LRRC28: variants seen among roughly 807,000 people sequenced by gnomAD.
The protein encoded by LRRC28 is leucine-rich repeat-containing protein 28.
LRRC28 carries 39 observed loss-of-function variants against 45.7 expected under a neutral mutation model. The ratio of observed to expected loss-of-function variants is 0.85; its 90% CI spans 0.66 to 1.12. LRRC28 has a LOEUF of 1.12. LRRC28 is among the 50% of genes most tolerant of loss of function. The pLI is 0.00. For synonymous variants in LRRC28, 206 were observed against 178.8 expected (o/e 1.15, Z -1.22); for missense variants, 435 against 438.5 (o/e 0.99, Z 0.07).
At chr15:99,320,446 A>C (rs1597338302) in intron 5 of LRRC28, among the ~76,000 whole-genome samples, 1 of 152,308 alleles carries the variant, frequency 6.6e-6, no homozygotes, top group East Asian at 1.9e-4. Flanking sequence ...ACATGAGTTC[A>C]TGTTTAAATT....
In LRRC28 at chr15:99,312,868, A is replaced by G. The variant is rs551791143; in HGVS notation, c.386-21055A>G. On this transcript the variant is annotated intron_variant, in intron 5 of 9. Transcript: ENST00000301981. ...TATGAGATAAAAAATAGAATGGAAA[A>G]ACAGAGACACAAAAAGACATGAGGC... 1.1e-4 allele frequency among the ~76,000 whole-genome samples: 16 copies of G among 152,328 alleles called. No individual in the cohort carries two copies. The South Asian group carries it at 2.5e-3, about 24-fold the overall frequency.
chr15:99,373,752 T>C (rs746195348), intron 9 of LRRC28, among the ~76,000 whole-genome samples: 13 of 152,210 alleles, frequency 8.5e-5, no homozygotes, highest in Admixed American at 6.5e-4. Context: ...AATTCAAAAG[T>C]GATGCTTGCC....
intron 5 of LRRC28, among the ~76,000 whole-genome samples, chr15:99,295,387 T>G (rs2082236483): frequency 6.6e-6 from 1 of 152,248 alleles, no homozygotes; most frequent in Admixed American, 6.5e-5. Flanking sequence ...AATTATGTAA[T>G]CTATTATGAA....
Position 99,290,735 on chromosome 15 carries a change from C to T in LRRC28, c.385+2784C>T, listed in dbSNP as rs114759062. Among the ~76,000 whole-genome samples, 1,391 of 152,036 alleles carry T rather than the reference C, an allele frequency of 9.1e-3. 21 individuals carry two copies. Among genetic ancestry groups the T allele is most frequent in the African/African-American group, 0.031 (1,296 of 41,460 alleles). ...GAAGCTGAGGCGAGAGGATCAGGAT[C>T]GCTTGAAGCCAGGAGTTCGAGACCA... On this transcript the variant is annotated intron_variant, in intron 5 of 9. Transcript: ENST00000301981.
At chr15:99,369,338 G>A (rs1294178004) in intron 9 of LRRC28, among the ~76,000 whole-genome samples, 1 of 152,064 alleles carries the variant, frequency 6.6e-6, no homozygotes, top group Non-Finnish European at 1.5e-5. Context: ...ATTTGTCACA[G>A]CAGCATCCCA....
At chr15:99,341,194 G>C (rs1406480629) in intron 6 of LRRC28, among the ~76,000 whole-genome samples, 4 of 148,026 alleles carry the variant, frequency 2.7e-5, no homozygotes, top group African/African-American at 9.9e-5. Context: ...GGGTTCAAGT[G>C]ATTCTCCTGC....
intron 7 of LRRC28, among the ~76,000 whole-genome samples, chr15:99,354,694 G>A (rs1286070025): frequency 6.6e-6 from 1 of 152,222 alleles, no homozygotes; most frequent in African/African-American, 2.4e-5. Flanking sequence ...GATCTAGCCA[G>A]GGAGTCAAGC....
chr15:99,259,713 G>A (rs2081137775), intron 2 of LRRC28: 19 of 1,424,474 alleles, frequency 1.3e-5, no homozygotes, highest in Non-Finnish European at 1.8e-5. Flanking sequence ...ATGCTTCGAC[G>A]AATTAAGGAA....
chr15:99,256,571 A>G (rs1567597900), intron 2 of LRRC28, among the ~76,000 whole-genome samples: 2 of 152,248 alleles, frequency 1.3e-5, no homozygotes, highest in African/African-American at 2.4e-5. Context: ...TTAAAGCATT[A>G]AGAGATGCAC....
chr15:99,373,422 A>G (rs914234636), intron 9 of LRRC28, among the ~76,000 whole-genome samples: 1 of 152,134 alleles, frequency 6.6e-6, no homozygotes, highest in Non-Finnish European at 1.5e-5. Context: ...CATAGTAGAT[A>G]TATATATTTA....
At chr15:99,286,450 G>A (rs1306468587) in intron 3 of LRRC28, among the ~76,000 whole-genome samples, 21 of 152,284 alleles carry the variant, frequency 1.4e-4, no homozygotes, top group Admixed American at 1.1e-3. Context: ...TATTTTTAAA[G>A]TACAATAAAT....
At chr15:99,302,756 T>G (rs1955030832) in intron 5 of LRRC28, among the ~76,000 whole-genome samples, 1 of 152,212 alleles carries the variant, frequency 6.6e-6, no homozygotes, top group Non-Finnish European at 1.5e-5. Context: ...ACCACTGATC[T>G]TGCTTTTTGT....
intron 1 of LRRC28, among the ~76,000 whole-genome samples, chr15:99,252,633 G>T (rs1215687544): frequency 6.6e-6 from 1 of 152,210 alleles, no homozygotes; most frequent in Non-Finnish European, 1.5e-5. Context: ...TGCAGTGCAT[G>T]GTTGTAAAGA....
At chr15:99,362,040 G>A (rs145028895) in intron 8 of LRRC28, among the ~76,000 whole-genome samples, 1,591 of 152,316 alleles carry the variant, frequency 0.01, 32 homozygotes, top group Admixed American at 0.046. Flanking sequence ...CTGTCGCAGC[G>A]TGCCAGCTAA....
intron 9 of LRRC28, among the ~76,000 whole-genome samples, chr15:99,363,688 G>A (rs981406617): frequency 6.6e-6 from 1 of 152,056 alleles, no homozygotes; most frequent in Non-Finnish European, 1.5e-5. Context: ...GTGTGCATGC[G>A]CACACACACA....
At chr15:99,290,780 G>A (rs2082101332) in intron 5 of LRRC28, among the ~76,000 whole-genome samples, 1 of 151,926 alleles carries the variant, frequency 6.6e-6, no homozygotes, top group Non-Finnish European at 1.5e-5. Context: ...ACATAGTGAG[G>A]CTTTGTCTCT....
intron 5 of LRRC28, among the ~76,000 whole-genome samples, chr15:99,324,672 A>G (rs1481417282): frequency 6.6e-6 from 1 of 152,238 alleles, no homozygotes; most frequent in African/African-American, 2.4e-5. Flanking sequence ...TGGCAATAAT[A>G]AAATCATTTT....
intron 5 of LRRC28, among the ~76,000 whole-genome samples, chr15:99,319,169 TA>T (rs1396692354): frequency 1.3e-5 from 2 of 152,182 alleles, no homozygotes; most frequent in African/African-American, 4.8e-5. Flanking sequence ...AGGCAATGAT[TA>T]TAATAGTTTT....
intron 2 of LRRC28, 66 bp downstream of exon 2, chr15:99,256,191 C>T: frequency 7.3e-7 from 1 of 1,365,224 alleles, no homozygotes; most frequent in Non-Finnish European, 1.0e-6. Context: ...GATACATTTA[C>T]ATACCCTAAG....
Sources: gnomAD v4.1 joint callset for allele counts (sites outside exome capture counted in the v4.1 genomes callset) on GRCh38, gnomAD v4.1.1 for gene constraint, MANE v1.5 for transcripts, NCBI Gene and HGNC (gene_info 2026-07-23, HGNC 2026-07-21) for gene names.